The following AP3B1 variants were observed in gnomAD, a reference collection of about 807,000 sequenced individuals.
AP3B1 encodes the protein AP-3 complex subunit beta-1.
A neutral mutation model predicts 132.5 loss-of-function variants in AP3B1; 61 were observed. That is an observed-to-expected ratio of 0.46 (90% CI 0.37 to 0.57). The LOEUF is 0.57. Among genes scored for constraint, AP3B1 ranks in the 20% least tolerant of loss-of-function variants. AP3B1 has a pLI of 0.00. For synonymous variants in AP3B1, 388 were observed against 438.3 expected (o/e 0.89, Z 1.43); for missense variants, 1,120 against 1,289.4 (o/e 0.87, Z 2.01).
intron 24 of AP3B1, among the ~76,000 whole-genome samples, chr5:78,027,495 T>C (rs1411508195): frequency 6.6e-6 from 1 of 152,062 alleles, no homozygotes; most frequent in South Asian, 2.1e-4. Flanking sequence ...AGAGAAAGAC[T>C]TTTTTCACTA....
intron 22 of AP3B1, among the ~76,000 whole-genome samples, chr5:78,074,221 G>A (rs183045404): frequency 2.8e-4 from 43 of 152,082 alleles, no homozygotes; most frequent in African/African-American, 9.6e-4. Flanking sequence ...AGATGAAAAT[G>A]GTCTGTTATG....
chr5:78,255,354 C>T (rs1300584547), intron 2 of AP3B1, among the ~76,000 whole-genome samples: 2 of 151,942 alleles, frequency 1.3e-5, no homozygotes, highest in Non-Finnish European at 2.9e-5. Flanking sequence ...CAAAAAAACA[C>T]ACTGTACCCA....
intron 15 of AP3B1, among the ~76,000 whole-genome samples, chr5:78,135,140 T>C (rs1238693524): frequency 6.6e-6 from 1 of 152,192 alleles, no homozygotes; most frequent in East Asian, 1.9e-4. Flanking sequence ...CTTTTAACTT[T>C]AGGAGGAATC....
intron 26 of AP3B1, among the ~76,000 whole-genome samples, chr5:78,007,044 C>T (rs977755640): frequency 2.6e-5 from 4 of 152,104 alleles, no homozygotes; most frequent in Non-Finnish European, 2.9e-5. Context: ...TGAAAAAAAT[C>T]TAATATCTAT....
At chr5:78,249,769 G>A (rs1163759537) in intron 2 of AP3B1, among the ~76,000 whole-genome samples, 1 of 151,792 alleles carries the variant, frequency 6.6e-6, no homozygotes. Flanking sequence ...TATTTCTGTA[G>A]AGACAGGGTC....
chr5:78,042,252 T>TA (rs1481704385), intron 22 of AP3B1: 1 of 151,422 alleles, frequency 6.6e-6, no homozygotes, highest in African/African-American at 2.5e-5. Flanking sequence ...TTATTTATTT[T>TA]TTTTTTATAG....
rs1305078174 is a variant in AP3B1 at position 78,082,236 on chromosome 5, A to C, written c.2577+7157T>G. On this transcript the variant is annotated intron_variant, in intron 22 of 26. Coordinates refer to ENST00000255194, the MANE Select transcript of AP3B1 (RefSeq NM_003664.5). ...GGCCTTGGAGCCTCTCTACCCTGTC[A>C]ATCCCAATTTTGACTGAATCCTTCC... 2.6e-5 allele frequency among the ~76,000 whole-genome samples: 4 copies of C among 152,286 alleles called. No homozygotes were observed. The South Asian group carries it at 8.3e-4, about 32-fold the overall frequency.
chr5:78,036,352 C>G (rs904410259), intron 23 of AP3B1, among the ~76,000 whole-genome samples: 5 of 152,108 alleles, frequency 3.3e-5, no homozygotes, highest in African/African-American at 1.2e-4. Context: ...TGTTTGGACA[C>G]CATTTCTAGA....
chr5:78,002,565 C>T lies in AP3B1; in HGVS notation c.*337G>A, dbSNP rs1274932745. 1 of 549,766 alleles carries T rather than the reference C, an allele frequency of 1.8e-6. No individual in the cohort carries two copies. Among genetic ancestry groups the T allele is most frequent in the Non-Finnish European group, 3.2e-6 (1 of 312,556 alleles). The allele number at this position is 549,766 out of a possible 1,614,324, so 34.1% of individuals were successfully genotyped here. A position where few individuals can be genotyped will look rare whatever the true frequency, so the allele number is the denominator to read the frequency against. Reference sequence around the variant, plus strand: ...TGTAGGGAAGAAGATTTCCAATGAACTTTAAATATCTCATTCATGTCTACC... The same window carrying T: ...TGTAGGGAAGAAGATTTCCAATGAATTTTAAATATCTCATTCATGTCTACC... On this transcript the variant is annotated 3_prime_UTR_variant, in exon 27 of 27. Coordinates refer to ENST00000255194, the MANE Select transcript of AP3B1 (RefSeq NM_003664.5).
chr5:78,271,707 T>A (rs796522250), intron 1 of AP3B1, among the ~76,000 whole-genome samples: 172 of 152,302 alleles, frequency 1.1e-3, no homozygotes, highest in African/African-American at 3.2e-3. Flanking sequence ...TTGCCCAAAT[T>A]CCTAAGGGGC....
intron 1 of AP3B1, among the ~76,000 whole-genome samples, chr5:78,269,164 T>C (rs1362327143): frequency 1.3e-5 from 2 of 152,170 alleles, no homozygotes; most frequent in Admixed American, 1.3e-4. Context: ...TGAGTCAAAA[T>C]AATGCTGAAT....
intron 1 of AP3B1, 72 bp downstream of exon 1, chr5:78,294,380 C>T: frequency 6.2e-7 from 1 of 1,609,140 alleles, no homozygotes; most frequent in Non-Finnish European, 8.5e-7. Context: ...CCAGGAAGCC[C>T]ACCCTGGCGC....
At chr5:78,178,597 T>A (rs187311510) in intron 8 of AP3B1, among the ~76,000 whole-genome samples, 55 of 152,176 alleles carry the variant, frequency 3.6e-4, no homozygotes. Flanking sequence ...CTCCAGCCTG[T>A]GCAATGGAGT....
At chr5:78,160,257 G>A (rs72776452) in intron 13 of AP3B1, among the ~76,000 whole-genome samples, 27,753 of 152,070 alleles carry the variant, frequency 0.18, 2,800 homozygotes, top group Admixed American at 0.27. Context: ...AATGCTTACT[G>A]AATTGTTTAA....
intron 22 of AP3B1, among the ~76,000 whole-genome samples, chr5:78,074,130 T>A (rs1358539203): frequency 1.3e-5 from 2 of 152,160 alleles, no homozygotes; most frequent in Non-Finnish European, 2.9e-5. Flanking sequence ...AAAAATATTT[T>A]GCAATAAAAA....
chr5:78,213,167 C>T (rs1373400529), intron 7 of AP3B1, among the ~76,000 whole-genome samples: 3 of 152,184 alleles, frequency 2.0e-5, no homozygotes, highest in South Asian at 2.1e-4. Flanking sequence ...GCGTGAGCCA[C>T]CGCGCCCGGC....
intron 22 of AP3B1, among the ~76,000 whole-genome samples, chr5:78,073,977 T>C (rs1166749435): frequency 6.6e-6 from 1 of 152,202 alleles, no homozygotes. Context: ...CCACAAATAA[T>C]TGCTAGTTCA....
chr5:78,096,754 G>T (rs1369603721), intron 21 of AP3B1, among the ~76,000 whole-genome samples: 1 of 151,636 alleles, frequency 6.6e-6, no homozygotes, highest in Non-Finnish European at 1.5e-5. Context: ...CGTCTGAGAA[G>T]TGAGGAGCCC....
chr5:78,014,448 GT>G (rs1746771483), intron 26 of AP3B1, among the ~76,000 whole-genome samples: 1 of 152,106 alleles, frequency 6.6e-6, no homozygotes, highest in African/African-American at 2.4e-5. Flanking sequence ...CACATAAGAA[GT>G]TATAACTTCC....
Sources: gnomAD v4.1 joint callset for allele counts (sites outside exome capture counted in the v4.1 genomes callset) on GRCh38, gnomAD v4.1.1 for gene constraint, MANE v1.5 for transcripts, NCBI Gene and HGNC (gene_info 2026-07-23, HGNC 2026-07-21) for gene names.